Variants in PARN observed in about 807,000 individuals in gnomAD.
PARN encodes the protein poly(A)-specific ribonuclease PARN.
A neutral mutation model predicts 102.8 loss-of-function variants in PARN; 71 were observed. The ratio of observed to expected loss-of-function variants is 0.69; its 90% CI spans 0.57 to 0.84. The LOEUF (loss-of-function observed/expected upper bound fraction) is 0.84. PARN is among the 40% of genes least tolerant of loss of function. The probability of loss-of-function intolerance (pLI) is 0.00; values close to 1 mark genes in which losing one functional copy is unlikely to be tolerated. For missense variants in PARN, 782 were observed against 760.9 expected, an observed-to-expected ratio of 1.03 and a Z score of -0.33; for synonymous variants, 261 against 252.9, an observed-to-expected ratio of 1.03 and a Z score of -0.30.
intron 6 of PARN, among the ~76,000 whole-genome samples, chr16:14,613,709 T>C (rs117299901): frequency 6.6e-6 from 1 of 152,150 alleles, no homozygotes; most frequent in Non-Finnish European, 1.5e-5. Flanking sequence ...TCAACGATAA[T>C]TGCTTAAAGC....
intron 19 of PARN, among the ~76,000 whole-genome samples, chr16:14,554,600 T>A (rs1431986244): frequency 6.6e-6 from 1 of 151,774 alleles, no homozygotes; most frequent in Non-Finnish European, 1.5e-5. Context: ...CTGGCTAATT[T>A]TTTTATTTTT....
intron 20 of PARN, among the ~76,000 whole-genome samples, chr16:14,553,063 A>G (rs1967419648): frequency 6.6e-6 from 1 of 152,012 alleles, no homozygotes; most frequent in African/African-American, 2.4e-5. Context: ...CTGTATTATC[A>G]GTGCAGGAGG....
chr16:14,571,615 C>T (rs987410662), intron 18 of PARN, among the ~76,000 whole-genome samples: 1 of 152,168 alleles, frequency 6.6e-6, no homozygotes. Context: ...AACAGCCCTC[C>T]TTCTGTCCCC....
At chr16:14,600,153 G>T (rs753546031) in intron 11 of PARN, among the ~76,000 whole-genome samples, 193 bp from the exon 12 acceptor site, 6 of 152,092 alleles carry the variant, frequency 3.9e-5, no homozygotes, top group African/African-American at 7.2e-5. Context: ...TTCTATTTTA[G>T]AAAGTAGAAT....
intron 22 of PARN, 79 bp downstream of exon 22, chr16:14,482,559 C>G (rs1032576386): frequency 8.7e-7 from 1 of 1,144,620 alleles, no homozygotes; most frequent in African/African-American, 1.6e-5. Flanking sequence ...AGATTTAGTA[C>G]TTACAAACCT....
intron 21 of PARN, among the ~76,000 whole-genome samples, chr16:14,483,102 A>C (rs1016808001): frequency 2.6e-5 from 4 of 152,388 alleles, no homozygotes; most frequent in East Asian, 1.9e-4. Context: ...TAATGATATA[A>C]GTAAAATATT....
intron 21 of PARN, among the ~76,000 whole-genome samples, chr16:14,545,551 A>G (rs1212341226): frequency 6.6e-6 from 1 of 152,248 alleles, no homozygotes; most frequent in South Asian, 2.1e-4. Flanking sequence ...ATAGCTTTAA[A>G]TGCTTCTGTT....
At chr16:14,629,714 G>C in intron 1 of PARN, 40 bp from the exon 2 acceptor site, 1 of 1,447,848 alleles carries the variant, frequency 6.9e-7, no homozygotes, top group Non-Finnish European at 9.7e-7. Context: ...CCAGTGGCCT[G>C]AATTCCTGCT....
At chr16:14,521,308 A>G (rs1463985085) in intron 21 of PARN, among the ~76,000 whole-genome samples, 1 of 152,240 alleles carries the variant, frequency 6.6e-6, no homozygotes, top group Admixed American at 6.5e-5. Flanking sequence ...GTTCTCTGAA[A>G]GTAAACCAGG....
At chr16:14,561,028 G>C (rs1205953734) in intron 18 of PARN, among the ~76,000 whole-genome samples, 1 of 151,972 alleles carries the variant, frequency 6.6e-6, no homozygotes, top group Non-Finnish European at 1.5e-5. Context: ...ATGGTGGCGG[G>C]TGCCTGTAAT....
intron 11 of PARN, 27 bp downstream of exon 11, chr16:14,604,119 C>T (rs749000156): frequency 6.5e-6 from 9 of 1,381,008 alleles, no homozygotes; most frequent in African/African-American, 1.4e-5. Context: ...ATTTCTCACC[C>T]CCCAAGAATT....
chr16:14,485,317 C>T (rs1963610086), intron 21 of PARN, among the ~76,000 whole-genome samples: 1 of 152,232 alleles, frequency 6.6e-6, no homozygotes, highest in African/African-American at 2.4e-5. Context: ...TTATTTTTCA[C>T]TCATTTACCC....
intron 22 of PARN, among the ~76,000 whole-genome samples, chr16:14,466,905 A>G (rs1327018873): frequency 6.6e-6 from 1 of 152,194 alleles, no homozygotes; most frequent in Non-Finnish European, 1.5e-5. Flanking sequence ...GAAGAAAAGA[A>G]AATCCCCTAA....
At chr16:14,619,321 T>G (rs1345192671) in intron 5 of PARN, among the ~76,000 whole-genome samples, 1 of 151,360 alleles carries the variant, frequency 6.6e-6, no homozygotes, top group Admixed American at 6.6e-5. Flanking sequence ...TAGACTGGGC[T>G]GGACATGGTG....
Position 14,575,301 on chromosome 16 carries a change from CCA to C in PARN, c.1262+5571_1262+5572del, listed in dbSNP as rs576471027. Reference sequence around the variant, plus strand: ...AGCTTGCACCATGCATCTGGAAAAGCCACAGACACTCAATGCCAGCACATGAA... The same window carrying C: ...AGCTTGCACCATGCATCTGGAAAAGCCAGACACTCAATGCCAGCACATGAA... On this transcript the variant is annotated intron_variant, in intron 18 of 23. Transcript: ENST00000437198. Among the ~76,000 whole-genome samples the C allele has an allele frequency of 5.9e-3, 898 of 152,292 alleles. 6 individuals are homozygous for C. Among genetic ancestry groups the C allele is most frequent in the Non-Finnish European group, 8.9e-3 (605 of 68,010 alleles).
At chr16:14,578,346 A>G (rs2151745103) in intron 18 of PARN, among the ~76,000 whole-genome samples, 1 of 149,958 alleles carries the variant, frequency 6.7e-6, no homozygotes, top group Admixed American at 6.6e-5. Flanking sequence ...AAAAAAAAAA[A>G]AAAAAAGAGG....
intron 21 of PARN, among the ~76,000 whole-genome samples, chr16:14,523,493 T>C (rs1965844846): frequency 1.3e-5 from 2 of 152,004 alleles, no homozygotes; most frequent in Admixed American, 1.3e-4. Flanking sequence ...TGCAATACAA[T>C]CAGAAAATAC....
intron 21 of PARN, among the ~76,000 whole-genome samples, chr16:14,498,933 C>G (rs1367940570): frequency 6.6e-6 from 1 of 152,106 alleles, no homozygotes; most frequent in Non-Finnish European, 1.5e-5. Context: ...CTGTCTAGAC[C>G]CTACACGCTG....
chr16:14,618,236 C>A (rs1170880501), intron 5 of PARN, among the ~76,000 whole-genome samples: 1 of 152,044 alleles, frequency 6.6e-6, no homozygotes, highest in Non-Finnish European at 1.5e-5. Flanking sequence ...ACCTGTAATC[C>A]CAGCACTTTG....
Sources: gnomAD v4.1 joint callset for allele counts (sites outside exome capture counted in the v4.1 genomes callset) on GRCh38, gnomAD v4.1.1 for gene constraint, MANE v1.5 for transcripts, NCBI Gene and HGNC (gene_info 2026-07-23, HGNC 2026-07-21) for gene names.